The following COL19A1 variants were observed in gnomAD, a reference collection of about 807,000 sequenced individuals.
COL19A1 encodes the protein collagen type XIX alpha 1 chain.
COL19A1 carries 159 observed loss-of-function variants against 190.2 expected under a neutral mutation model. The observed-to-expected ratio is 0.84, with a 90% CI of 0.73 to 0.95. The LOEUF (loss-of-function observed/expected upper bound fraction) is 0.95. Ranked by LOEUF, COL19A1 falls within the 40% of genes least tolerant of loss-of-function variation. The pLI is 0.00. For synonymous variants in COL19A1, 509 were observed against 458.9 expected (o/e 1.11, Z -1.39); for missense variants, 1,418 against 1,431.9 (o/e 0.99, Z 0.16).
chr6:70,020,580 C>T (rs922698869), intron 11 of COL19A1, among the ~76,000 whole-genome samples: 1 of 152,012 alleles, frequency 6.6e-6, no homozygotes, highest in African/African-American at 2.4e-5. Flanking sequence ...GATTTTATAT[C>T]ATAAATCTGT....
chr6:70,035,682 C>G (rs1779314523), intron 13 of COL19A1, among the ~76,000 whole-genome samples: 1 of 152,048 alleles, frequency 6.6e-6, no homozygotes, highest in Admixed American at 6.6e-5. Flanking sequence ...ACAAGTCCTG[C>G]TGTTGCAAAA....
At chr6:69,967,661 T>G (rs1462721576) in intron 11 of COL19A1, among the ~76,000 whole-genome samples, 1 of 152,222 alleles carries the variant, frequency 6.6e-6, no homozygotes, top group Non-Finnish European at 1.5e-5. Context: ...TTTTTTTTAT[T>G]GTCTTCTTCT....
At chr6:69,873,737 G>A (rs1767971213) in intron 1 of COL19A1, among the ~76,000 whole-genome samples, 1 of 152,120 alleles carries the variant, frequency 6.6e-6, no homozygotes, top group Non-Finnish European at 1.5e-5. Flanking sequence ...TCTTAATACT[G>A]TGACATTGGG....
intron 4 of COL19A1, among the ~76,000 whole-genome samples, chr6:69,923,724 C>T (rs192663249): frequency 6.6e-6 from 1 of 152,250 alleles, no homozygotes; most frequent in African/African-American, 2.4e-5. Flanking sequence ...TGTGTGAAAA[C>T]TCCGGAAAGG....
chr6:70,051,025 ATGTAAGGGT>A (rs955443192), intron 14 of COL19A1, among the ~76,000 whole-genome samples: 13 of 152,118 alleles, frequency 8.5e-5, no homozygotes, highest in African/African-American at 2.7e-4. Context: ...ACTTAGTAAT[ATGTAAGGGT>A]CAAACAGGAT....
intron 11 of COL19A1, among the ~76,000 whole-genome samples, chr6:69,988,672 G>A (rs996435318): frequency 6.6e-5 from 10 of 152,122 alleles, no homozygotes; most frequent in African/African-American, 2.4e-4. Flanking sequence ...TGATAATACC[G>A]TTGGAGATTC....
At chr6:69,994,429 A>G (rs1776790016) in intron 11 of COL19A1, among the ~76,000 whole-genome samples, 1 of 152,120 alleles carries the variant, frequency 6.6e-6, no homozygotes, top group African/African-American at 2.4e-5. Context: ...GAGTCATTGG[A>G]CCTAGTGGAG....
intron 27 of COL19A1, among the ~76,000 whole-genome samples, chr6:70,147,872 A>G (rs1253218658): frequency 6.6e-6 from 1 of 152,136 alleles, no homozygotes; most frequent in Non-Finnish European, 1.5e-5. Context: ...CATGACCCCC[A>G]CCTCAGGTTC....
chr6:70,057,105 T>C (rs542766609), intron 14 of COL19A1, among the ~76,000 whole-genome samples: 18 of 152,274 alleles, frequency 1.2e-4, no homozygotes, highest in Admixed American at 3.3e-4. Flanking sequence ...TAAAACCACA[T>C]ATGTATAGAT....
At chr6:69,880,770 A>G (rs192953859) in intron 2 of COL19A1, among the ~76,000 whole-genome samples, 2 of 152,352 alleles carry the variant, frequency 1.3e-5, no homozygotes, top group East Asian at 3.8e-4. Flanking sequence ...CTTCAGTGAG[A>G]AATTAATCAG....
chr6:69,916,222 C>T (rs1771295353), intron 4 of COL19A1, among the ~76,000 whole-genome samples: 2 of 152,158 alleles, frequency 1.3e-5, no homozygotes, highest in African/African-American at 4.8e-5. Flanking sequence ...AGGCGGGAGC[C>T]ACCGCGCCCA....
intron 16 of COL19A1, among the ~76,000 whole-genome samples, chr6:70,113,302 C>G (rs1037665819): frequency 3.2e-4 from 49 of 152,186 alleles, no homozygotes; most frequent in Non-Finnish European, 5.4e-4. Context: ...AATGCTTAAA[C>G]CATTGTACTG....
intron 30 of COL19A1, among the ~76,000 whole-genome samples, chr6:70,150,986 T>C (rs928170701): frequency 1.3e-5 from 2 of 152,286 alleles, no homozygotes; most frequent in East Asian, 3.9e-4. Flanking sequence ...CAAACTTATC[T>C]GGTACTTTTC....
intron 2 of COL19A1, among the ~76,000 whole-genome samples, chr6:69,894,329 G>A (rs974603909): frequency 2.0e-5 from 3 of 152,150 alleles, no homozygotes; most frequent in African/African-American, 7.2e-5. Flanking sequence ...TATTCCATAT[G>A]TCCCCAGGCC....
intron 27 of COL19A1, among the ~76,000 whole-genome samples, 162 bp from the exon 28 acceptor site, chr6:70,149,542 C>A (rs956968316): frequency 2.0e-5 from 3 of 152,160 alleles, no homozygotes; most frequent in African/African-American, 7.2e-5. Flanking sequence ...TATTCACCTA[C>A]GACCTGAAAG....
intron 4 of COL19A1, among the ~76,000 whole-genome samples, chr6:69,902,012 A>T (rs1770223152): frequency 6.6e-6 from 1 of 152,208 alleles, no homozygotes; most frequent in Admixed American, 6.5e-5. Context: ...TGGGTTCTAA[A>T]TCACTGCCCA....
chr6:70,098,256 TGGCCTAA>T, intron 15 of COL19A1: 1 of 274,416 alleles, frequency 3.6e-6, no homozygotes, highest in Non-Finnish European at 7.4e-6. Context: ...CCTTTTTTCT[TGGCCTAA>T]TTATTAATAA....
At chr6:69,931,569 A>G (rs3805959) in intron 6 of COL19A1, among the ~76,000 whole-genome samples, 46,267 of 152,066 alleles carry the variant, frequency 0.3, 8,618 homozygotes, top group African/African-American at 0.52. Flanking sequence ...TTAATTAACT[A>G]GAGTTCTCAT....
Position 70,022,630 on chromosome 6 carries a change from A to C in COL19A1, c.1027-997A>C, listed in dbSNP as rs1341959838. 2.6e-5 allele frequency among the ~76,000 whole-genome samples: 4 copies of C among 152,336 alleles called. No individual in the cohort carries two copies. The East Asian group carries it at 7.7e-4, about 29-fold the overall frequency. ...GTCACTATGAGTATGTATCATCCAC[A>C]GTGGTATTAGTGACCATTCTGAACA... On this transcript the variant is annotated intron_variant, in intron 11 of 50. Coordinates refer to ENST00000620364, the MANE Select transcript of COL19A1 (RefSeq NM_001858.6).
Sources: gnomAD v4.1 joint callset for allele counts (sites outside exome capture counted in the v4.1 genomes callset) on GRCh38, gnomAD v4.1.1 for gene constraint, MANE v1.5 for transcripts, NCBI Gene and HGNC (gene_info 2026-07-23, HGNC 2026-07-21) for gene names.